Variants in SIDT1 observed in about 807,000 individuals in gnomAD.
SIDT1 encodes the protein SID1 transmembrane family member 1.
Under a neutral mutation model 107.5 loss-of-function variants are expected in SIDT1, and 101 were observed. The ratio of observed to expected loss-of-function variants is 0.94; its 90% confidence interval spans 0.80 to 1.11. The LOEUF (loss-of-function observed/expected upper bound fraction) is 1.11, where lower values mean the gene tolerates loss of function less well. SIDT1 is among the 50% of genes least tolerant of loss of function. The pLI is 0.00. For missense variants in SIDT1, 1,076 were observed against 1,058.2 expected, an observed-to-expected ratio of 1.02 and a Z score of -0.23; for synonymous variants, 395 against 398.2, an observed-to-expected ratio of 0.99 and a Z score of 0.10.
chr3:113,532,740 G>T lies in SIDT1; in HGVS notation c.-282G>T. The T allele has an allele frequency of 2.8e-6, 1 of 353,750 alleles. No individual in the cohort carries two copies. The highest frequency in any genetic ancestry group is 5.1e-6 in the Non-Finnish European group (1 of 197,808). The allele number at this position is 353,750 out of a possible 1,614,324, so 21.9% of individuals were successfully genotyped here. On this transcript the variant is annotated 5_prime_UTR_variant, in exon 1 of 25. Transcript: ENST00000264852. ...GGATTCTCGGCGATGAGAAACGGGGGACTTAGAAGCCGGAGGAAAATCAGC... is the reference window on the plus strand; with the variant it reads ...GGATTCTCGGCGATGAGAAACGGGGTACTTAGAAGCCGGAGGAAAATCAGC...
At chr3:113,573,359 A>G (rs1942631408) in intron 3 of SIDT1, among the ~76,000 whole-genome samples, 1 of 152,194 alleles carries the variant, frequency 6.6e-6, no homozygotes, top group Non-Finnish European at 1.5e-5. Flanking sequence ...ATTCACTGGC[A>G]TTATTGTGGT....
At chr3:113,563,124 G>A (rs769027496) in intron 1 of SIDT1, among the ~76,000 whole-genome samples, 1 of 152,178 alleles carries the variant, frequency 6.6e-6, no homozygotes, top group Non-Finnish European at 1.5e-5. Context: ...ACAGTAATTG[G>A]ACATGACAAG....
chr3:113,535,750 A>G (rs1347561138), intron 1 of SIDT1, among the ~76,000 whole-genome samples: 3 of 152,232 alleles, frequency 2.0e-5, no homozygotes, highest in Non-Finnish European at 4.4e-5. Context: ...CAAATCTTAC[A>G]GCCTTCTGGG....
Position 113,532,725 on chromosome 3 carries a change from C to T in SIDT1, c.-297C>T. On this transcript the variant is annotated 5_prime_UTR_variant, in exon 1 of 25. Coordinates refer to ENST00000264852, the MANE Select transcript of SIDT1 (RefSeq NM_017699.3). Reference sequence around the variant, plus strand: ...GCTGGGTAAGTGGGGGGATTCTCGGCGATGAGAAACGGGGGACTTAGAAGC... The same window carrying T: ...GCTGGGTAAGTGGGGGGATTCTCGGTGATGAGAAACGGGGGACTTAGAAGC... The T allele has an allele frequency of 3.0e-6, 1 of 335,314 alleles. No individual in the cohort carries two copies. Among genetic ancestry groups the T allele is most frequent in the Middle Eastern group, 7.7e-4 (1 of 1,298 alleles). 20.8% of individuals were successfully genotyped at this position (335,314 alleles called of 1,614,324 possible).
At chr3:113,572,122 A>T (rs1942515375) in intron 3 of SIDT1, among the ~76,000 whole-genome samples, 1 of 152,192 alleles carries the variant, frequency 6.6e-6, no homozygotes, top group Non-Finnish European at 1.5e-5. Context: ...ATATGAGGGG[A>T]AAAAGAAAAG....
intron 1 of SIDT1, among the ~76,000 whole-genome samples, chr3:113,554,822 C>T (rs1940669294): frequency 6.6e-6 from 1 of 151,866 alleles, no homozygotes; most frequent in Non-Finnish European, 1.5e-5. Context: ...ATTTTTATCC[C>T]CCACCAAGCT....
rs562458734 is a variant in SIDT1 at position 113,619,522 on chromosome 3, C to T, written c.2044-158C>T. On this transcript the variant is annotated intron_variant, in intron 20 of 24. Coordinates refer to ENST00000264852, the MANE Select transcript of SIDT1 (RefSeq NM_017699.3). ...AGCCTTGCCATTTAGTCTTTGTATA[C>T]GATTAGTGTCAGATCATAGGCAAGG... Among the ~76,000 whole-genome samples, 30 of 152,300 alleles carry T rather than the reference C, an allele frequency of 2.0e-4. 1 individual carries two copies. In the South Asian group the frequency reaches 3.3e-3, roughly 17 times the overall value.
rs1389988891 is a variant in SIDT1, at chr3:113,608,447, T to A, written c.1631T>A (p.Leu544His). ...VEYGIPKHFG[L>H]FYAMGIALMM... ...TACGGGATTCCCAAACACTTTGGTCTCTTCTACGCTATGGGCATTGCATTG... is the reference window on the plus strand; with the variant it reads ...TACGGGATTCCCAAACACTTTGGTCACTTCTACGCTATGGGCATTGCATTG... Residue 544 changes from leucine (L) to histidine (H), a missense_variant, in exon 17 of 25, where the codon CTC (leucine) becomes CAC (histidine). Leu to His is a moderately conservative substitution (Grantham distance 99). Transcript: ENST00000264852. 1 of 1,613,956 alleles carries A rather than the reference T, an allele frequency of 6.2e-7. No individual in the cohort carries two copies. The highest frequency in any genetic ancestry group is 1.3e-5 in the African/African-American group (1 of 74,942).
intron 23 of SIDT1, 32 bp downstream of exon 23, chr3:113,623,765 C>A (rs368944590): frequency 3.4e-6 from 5 of 1,466,710 alleles, no homozygotes; most frequent in Non-Finnish European, 9.5e-7. Flanking sequence ...CCAAAAACAA[C>A]CTCTCTCTCC....
intron 1 of SIDT1, among the ~76,000 whole-genome samples, chr3:113,545,255 A>G (rs905296059): frequency 2.0e-5 from 3 of 151,838 alleles, no homozygotes; most frequent in Non-Finnish European, 2.9e-5. Context: ...AGTTATTACT[A>G]TGATGGTTTC....
chr3:113,541,639 C>T (rs780675774), intron 1 of SIDT1, among the ~76,000 whole-genome samples: 2 of 152,162 alleles, frequency 1.3e-5, no homozygotes, highest in African/African-American at 2.4e-5. Flanking sequence ...TCTGAGACTT[C>T]AGGGAGGACT....
intron 3 of SIDT1, among the ~76,000 whole-genome samples, chr3:113,572,698 A>G (rs1206236891): frequency 6.6e-6 from 1 of 152,244 alleles, no homozygotes; most frequent in Non-Finnish European, 1.5e-5. Context: ...AAAACGAGTC[A>G]AATAGTACAC....
rs1289729260 is a variant in SIDT1, at chr3:113,537,984, T to A, written c.222+4741T>A. Among the ~76,000 whole-genome samples, 5 of 152,288 alleles carry A rather than the reference T, an allele frequency of 3.3e-5. No individual in the cohort carries two copies. In the East Asian group the frequency reaches 7.7e-4, roughly 24 times the overall value. On this transcript the variant is annotated intron_variant, in intron 1 of 24. Transcript: ENST00000264852. ...TTTTAGGAGATACAGGGTTACTCCA[T>A]GTTGGCTAGGCTGGTCTCAAACTCC...
At chr3:113,560,558 CA>C (rs1224254497) in intron 1 of SIDT1, among the ~76,000 whole-genome samples, 1 of 152,232 alleles carries the variant, frequency 6.6e-6, no homozygotes, top group East Asian at 1.9e-4. Context: ...CCAGCGAACA[CA>C]ACCAAACACA....
At chr3:113,634,743 G>A in the SIDT1 span, among the ~76,000 whole-genome samples, 6 of 152,174 alleles carry the variant, frequency 3.9e-5, no homozygotes, top group African/African-American at 1.4e-4. Flanking sequence ...GGCGTAGGTT[G>A]CAATCAGCTG....
At chr3:113,621,142 T>C (rs924617784) in intron 21 of SIDT1, among the ~76,000 whole-genome samples, 1 of 152,208 alleles carries the variant, frequency 6.6e-6, no homozygotes, top group East Asian at 1.9e-4. Context: ...TAGAGATGTA[T>C]GTACATACAT....
chr3:113,631,019 C>G (rs917563237), downstream of SIDT1, among the ~76,000 whole-genome samples: 4 of 152,182 alleles, frequency 2.6e-5, no homozygotes, highest in African/African-American at 4.8e-5. Context: ...ATCCCTACCC[C>G]CATCCTTGTC....
rs745691439 is a variant in SIDT1 at position 113,626,166 on chromosome 3, A to G, written c.2372A>G (p.His791Arg). Residue 791 changes from histidine to arginine, a missense_variant, in exon 24 of 25, where the codon CAT becomes CGT. Coordinates refer to ENST00000264852, the MANE Select transcript of SIDT1 (RefSeq NM_017699.3). ...ATTCTGCTGGATTTCTTCGATGACC[A>G]TGACATCTGGCACTTCCTCTCTGCT... ...ECILLDFFDD[H>R]DIWHFLSATA... 4 of 1,614,042 alleles carry G rather than the reference A, an allele frequency of 2.5e-6. No homozygotes were observed. The South Asian group carries it at 3.3e-5, about 13-fold the overall frequency.
chr3:113,594,943 G>A (rs1444639659), intron 10 of SIDT1: 6 of 154,350 alleles, frequency 3.9e-5, no homozygotes, highest in South Asian at 2.0e-4. Context: ...CATGGGTCAA[G>A]GCTCACACCT....
Sources: gnomAD v4.1 joint callset for allele counts (sites outside exome capture counted in the v4.1 genomes callset) on GRCh38, gnomAD v4.1.1 for gene constraint, MANE v1.5 for transcripts, NCBI Gene and HGNC (gene_info 2026-07-23, HGNC 2026-07-21) for gene names.